DACH1: variants seen among roughly 807,000 people sequenced by gnomAD.
DACH1 encodes dachshund homolog 1.
Under a neutral mutation model 54.2 loss-of-function variants are expected in DACH1, and 12 were observed. The observed-to-expected ratio is 0.22, with a 90% CI of 0.14 to 0.36. The LOEUF (loss-of-function observed/expected upper bound fraction) is 0.36. DACH1 is among the 10% of genes least tolerant of loss of function. The pLI is 1.00. For missense variants in DACH1, 805 were observed against 929.8 expected, an observed-to-expected ratio of 0.87 and a Z score of 1.75; for synonymous variants, 386 against 366.2, an observed-to-expected ratio of 1.05 and a Z score of -0.62.
chr13:71,585,358 T>C (rs1873164923), intron 3 of DACH1, among the ~76,000 whole-genome samples: 1 of 152,206 alleles, frequency 6.6e-6, no homozygotes, highest in Non-Finnish European at 1.5e-5. Flanking sequence ...AAGACTTTGC[T>C]GAGGATGGCA....
intron 6 of DACH1, among the ~76,000 whole-genome samples, chr13:71,542,157 G>A (rs1308529576): frequency 2.0e-5 from 3 of 151,912 alleles, no homozygotes; most frequent in South Asian, 2.1e-4. Flanking sequence ...GGCTGAGGGA[G>A]GAGAATCTCT....
intron 1 of DACH1, among the ~76,000 whole-genome samples, chr13:71,693,469 A>ATTTTTTTTTTTT (rs748598587): frequency 1.3e-4 from 16 of 119,268 alleles, no homozygotes; most frequent in African/African-American, 2.5e-4. Flanking sequence ...CGCCCGGCAA[A>ATTTTTTTTTTTT]TTTTTTTTTT....
rs1021397634 is a variant in DACH1, at chr13:71,440,842, TAA to T, written c.2084-152_2084-151del. 10 of 596,078 alleles carry T rather than the reference TAA, an allele frequency of 1.7e-5. No homozygotes were observed. In the Admixed American group the frequency reaches 2.8e-4, roughly 17 times the overall value. 36.9% of individuals were successfully genotyped at this position (596,078 alleles called of 1,614,324 possible). A position where few individuals can be genotyped will look rare whatever the true frequency, so the allele number is the denominator to read the frequency against. ...AACATTTTTCATATCTTCTCAAAGT[TAA>T]GTTAATTTCATAATTACACTGAGTT... On this transcript the variant is annotated intron_variant, in intron 10 of 10. Coordinates refer to ENST00000613252, the MANE Select transcript of DACH1 (RefSeq NM_080759.6).
Position 71,771,299 on chromosome 13 carries a change from GC to G in DACH1, c.849-89390del, listed in dbSNP as rs200936285. ...ATGAAGAAGAACACCACCAGCAAAT[GC>G]AAAAAGAAGCAAAAGGATAAATAAA... On this transcript the variant is annotated intron_variant, in intron 1 of 10. Transcript: ENST00000613252. Among the ~76,000 whole-genome samples, 531 of 145,834 alleles carry G rather than the reference GC, an allele frequency of 3.6e-3. 28 individuals carry two copies. In the East Asian group the frequency reaches 0.091, roughly 25 times the overall value.
intron 2 of DACH1, among the ~76,000 whole-genome samples, chr13:71,668,823 G>A (rs1880035862): frequency 6.6e-6 from 1 of 152,016 alleles, no homozygotes; most frequent in South Asian, 2.1e-4. Context: ...TACTCCAGAG[G>A]CTGAGGCAGG....
At chr13:71,707,244 T>G (rs1882495294) in intron 1 of DACH1, among the ~76,000 whole-genome samples, 4 of 152,254 alleles carry the variant, frequency 2.6e-5, no homozygotes. Flanking sequence ...GAGCATTTCT[T>G]GAGGAAGTCT....
chr13:71,713,494 T>A (rs537040851), intron 1 of DACH1, among the ~76,000 whole-genome samples: 2 of 152,316 alleles, frequency 1.3e-5, no homozygotes, highest in South Asian at 4.1e-4. Context: ...TCTGGATGCA[T>A]TAGTAAAAAA....
At chr13:71,737,403 G>T (rs888670253) in intron 1 of DACH1, among the ~76,000 whole-genome samples, 1 of 151,906 alleles carries the variant, frequency 6.6e-6, no homozygotes, top group African/African-American at 2.4e-5. Flanking sequence ...GGCAGAAAAA[G>T]TACCCTCCCC....
chr13:71,556,041 G>T (rs1177947438), intron 6 of DACH1, among the ~76,000 whole-genome samples: 1 of 152,088 alleles, frequency 6.6e-6, no homozygotes, highest in African/African-American at 2.4e-5. Flanking sequence ...TGCTGAAAGG[G>T]AAATGTTTTA....
chr13:71,462,169 T>C (rs966763179), intron 10 of DACH1, among the ~76,000 whole-genome samples: 2 of 151,870 alleles, frequency 1.3e-5, no homozygotes, highest in Non-Finnish European at 2.9e-5. Flanking sequence ...CTCTGGAGTG[T>C]GATTATATAT....
chr13:71,488,021 TA>T (rs1457430463), intron 7 of DACH1, among the ~76,000 whole-genome samples: 1 of 152,270 alleles, frequency 6.6e-6, no homozygotes, highest in East Asian at 1.9e-4. Flanking sequence ...ACATTAGTAT[TA>T]AAAAATGCCA....
intron 1 of DACH1, among the ~76,000 whole-genome samples, chr13:71,742,149 T>C (rs1470378795): frequency 6.6e-6 from 1 of 152,174 alleles, no homozygotes; most frequent in East Asian, 1.9e-4. Context: ...GCCGCTGCCA[T>C]GTAAAAAGTA....
At chr13:71,669,651 A>G (rs1336098677) in intron 2 of DACH1, among the ~76,000 whole-genome samples, 1 of 152,208 alleles carries the variant, frequency 6.6e-6, no homozygotes, top group Non-Finnish European at 1.5e-5. Context: ...GCATTCGCTT[A>G]CTATGTTCTT....
chr13:71,631,324 G>GC (rs1403357276), intron 2 of DACH1, among the ~76,000 whole-genome samples: 1 of 151,944 alleles, frequency 6.6e-6, no homozygotes, highest in Non-Finnish European at 1.5e-5. Context: ...CCATTCCATG[G>GC]CCCCCAGCTG....
At chr13:71,668,805 A>C (rs1880034790) in intron 2 of DACH1, among the ~76,000 whole-genome samples, 1 of 152,078 alleles carries the variant, frequency 6.6e-6, no homozygotes, top group South Asian at 2.1e-4. Context: ...GGCGCCTGTA[A>C]TCCCAGCTAC....
chr13:71,767,442 G>A (rs1304846592), intron 1 of DACH1, among the ~76,000 whole-genome samples: 3 of 151,984 alleles, frequency 2.0e-5, no homozygotes, highest in East Asian at 1.9e-4. Flanking sequence ...TTGCTTTGGG[G>A]AGAATCATAC....
intron 2 of DACH1, among the ~76,000 whole-genome samples, chr13:71,652,722 G>C (rs755063194): frequency 1.3e-5 from 2 of 152,024 alleles, no homozygotes; most frequent in Non-Finnish European, 2.9e-5. Context: ...TAGCTATACT[G>C]AATTATATTG....
At chr13:71,567,872 T>C (rs1029497613) in intron 4 of DACH1, among the ~76,000 whole-genome samples, 1 of 151,982 alleles carries the variant, frequency 6.6e-6, no homozygotes, top group Non-Finnish European at 1.5e-5. Context: ...CTTTATAACA[T>C]TGTGAATTTA....
At chr13:71,804,306 T>G (rs1887405023) in intron 1 of DACH1, among the ~76,000 whole-genome samples, 2 of 152,220 alleles carry the variant, frequency 1.3e-5, no homozygotes, top group Admixed American at 1.3e-4. Flanking sequence ...GGGTGAGACC[T>G]TGTCTCAGAG....
Sources: gnomAD v4.1 joint callset for allele counts (sites outside exome capture counted in the v4.1 genomes callset) on GRCh38, gnomAD v4.1.1 for gene constraint, MANE v1.5 for transcripts, NCBI Gene and HGNC (gene_info 2026-07-23, HGNC 2026-07-21) for gene names.